Variants in PRKCB observed in about 807,000 individuals in gnomAD.
The protein encoded by PRKCB is protein kinase C beta, also known as protein kinase C beta type.
In PRKCB, 13 loss-of-function variants were observed where a neutral mutation model predicts 81.5. The ratio of observed to expected loss-of-function variants is 0.16; its 90% confidence interval spans 0.10 to 0.25. The LOEUF is 0.25. Among genes scored for constraint, PRKCB ranks in the 10% least tolerant of loss-of-function variants. The pLI is 1.00. For missense variants in PRKCB, 509 were observed against 875.7 expected (o/e 0.58, Z 5.29); for synonymous variants, 335 against 321.4 (o/e 1.04, Z -0.45).
At chr16:24,128,367 A>G (rs1030608890) in intron 9 of PRKCB, among the ~76,000 whole-genome samples, 5 of 150,184 alleles carry the variant, frequency 3.3e-5, no homozygotes, top group African/African-American at 5.1e-5. Context: ...AGAGCAAGAC[A>G]CTGTCTCAAA....
intron 2 of PRKCB, among the ~76,000 whole-genome samples, chr16:23,900,718 G>GTTTTTTTTTTTTTTTTTT (rs56897816): frequency 1.1e-4 from 7 of 62,234 alleles, no homozygotes; most frequent in African/African-American, 4.2e-4. Context: ...AGCTGCACAG[G>GTTTTTTTTTTTTTTTTTT]TTTTTTTTTT....
intron 5 of PRKCB, among the ~76,000 whole-genome samples, chr16:24,091,150 A>C (rs1324246671): frequency 6.6e-6 from 1 of 152,204 alleles, no homozygotes; most frequent in Admixed American, 6.5e-5. Flanking sequence ...ACTTTAATGG[A>C]ATTGCATTTA....
intron 2 of PRKCB, among the ~76,000 whole-genome samples, chr16:23,967,748 G>T (rs1964506284): frequency 6.6e-6 from 1 of 152,110 alleles, no homozygotes; most frequent in East Asian, 1.9e-4. Flanking sequence ...CACCTCCCAG[G>T]TTCAAGAGAT....
chr16:23,840,338 A>G (rs1254599543), intron 2 of PRKCB, among the ~76,000 whole-genome samples: 1 of 152,098 alleles, frequency 6.6e-6, no homozygotes, highest in Admixed American at 6.5e-5. Flanking sequence ...CTGCTCCACT[A>G]TCCCTGGGGA....
intron 2 of PRKCB, among the ~76,000 whole-genome samples, chr16:23,883,901 A>G (rs1426340742): frequency 6.6e-6 from 1 of 152,232 alleles, no homozygotes; most frequent in East Asian, 1.9e-4. Context: ...TAGCAATCAC[A>G]TTAAAATGGT....
At chr16:24,136,138 G>C (rs193289355) in intron 9 of PRKCB, among the ~76,000 whole-genome samples, 32 of 144,824 alleles carry the variant, frequency 2.2e-4, no homozygotes, top group African/African-American at 6.7e-4. Context: ...CCAGATCCTC[G>C]TGAGGCCCTT....
intron 9 of PRKCB, among the ~76,000 whole-genome samples, chr16:24,130,641 C>G (rs1966852000): frequency 6.6e-6 from 1 of 152,100 alleles, no homozygotes; most frequent in Non-Finnish European, 1.5e-5. Flanking sequence ...GACAGGCGCG[C>G]CTGGCCACAC....
At chr16:23,902,922 A>G (rs1284958527) in intron 2 of PRKCB, among the ~76,000 whole-genome samples, 1 of 150,056 alleles carries the variant, frequency 6.7e-6, no homozygotes, top group Non-Finnish European at 1.5e-5. Flanking sequence ...TCCCACCTCA[A>G]CTTCTTGAGT....
intron 2 of PRKCB, among the ~76,000 whole-genome samples, chr16:23,887,313 G>A (rs909334944): frequency 6.6e-6 from 1 of 152,174 alleles, no homozygotes; most frequent in Non-Finnish European, 1.5e-5. Context: ...AGTGAGCATA[G>A]TACCCAGTAG....
At chr16:24,193,208 C>T (rs1478296417) in intron 16 of PRKCB, among the ~76,000 whole-genome samples, 2 of 151,746 alleles carry the variant, frequency 1.3e-5, no homozygotes, top group East Asian at 1.9e-4. Flanking sequence ...TTTGGGAAGC[C>T]GAGGTGGGTG....
chr16:23,978,419 G>A (rs1395880387), intron 2 of PRKCB, among the ~76,000 whole-genome samples: 2 of 152,194 alleles, frequency 1.3e-5, no homozygotes, highest in Non-Finnish European at 2.9e-5. Context: ...TGTCCTGCAG[G>A]GATGCTGAGC....
intron 5 of PRKCB, among the ~76,000 whole-genome samples, chr16:24,082,465 A>G (rs1452298445): frequency 6.6e-6 from 1 of 152,222 alleles, no homozygotes; most frequent in Non-Finnish European, 1.5e-5. Context: ...AAGACTTACT[A>G]TATAAAGCTT....
intron 3 of PRKCB, among the ~76,000 whole-genome samples, chr16:24,009,486 G>A (rs1368756567): frequency 1.1e-4 from 17 of 149,760 alleles, no homozygotes; most frequent in African/African-American, 3.7e-4. Context: ...GTGCAATGGC[G>A]TGATCCTGGC....
At chr16:24,185,593 C>T (rs756378820) in intron 15 of PRKCB, 26 bp downstream of exon 15, 8 of 1,575,842 alleles carry the variant, frequency 5.1e-6, no homozygotes, top group Non-Finnish European at 7.0e-6. Context: ...AAAGCTGTGA[C>T]CAGGACCACC....
At position 24,116,798 on chromosome 16, in the gene PRKCB, C is replaced by T. The variant is rs190551023; in HGVS notation, c.918+3729C>T. On this transcript the variant is annotated intron_variant, in intron 8 of 16. Coordinates refer to ENST00000643927, the MANE Select transcript of PRKCB (RefSeq NM_002738.7). The stretch of plus-strand genomic sequence containing the variant: ...CTGCTGTTATAGAAATGTACTATTA[C>T]GGGTGAAAAACACAAGGCCAGTATT... 2.7e-3 allele frequency among the ~76,000 whole-genome samples: 413 copies of T among 152,280 alleles called. 2 individuals carry two copies. Among genetic ancestry groups the T allele is most frequent in the African/African-American group, 9.4e-3 (391 of 41,568 alleles).
Position 24,041,985 on chromosome 16 carries a change from G to GAA in PRKCB, c.529+6453_529+6454dup, listed in dbSNP as rs111410896. On this transcript the variant is annotated intron_variant, in intron 5 of 16. Coordinates refer to ENST00000643927, the MANE Select transcript of PRKCB (RefSeq NM_002738.7). ...GGTAACAGAGTGAGACTCCATCTTGGAAAAAAAAAAAAAAAAGAATTGGGA... is the reference window on the plus strand; with the variant it reads ...GGTAACAGAGTGAGACTCCATCTTGGAAAAAAAAAAAAAAAAAAGAATTGGGA... Among the ~76,000 whole-genome samples the GAA allele has an allele frequency of 6.8e-3, 706 of 104,412 alleles. 5 individuals are homozygous for GAA. Among genetic ancestry groups the GAA allele is most frequent in the South Asian group, 0.033 (97 of 2,958 alleles). The allele number at this position is 104,412 out of a possible 152,430, so 68.5% of individuals were successfully genotyped here.
At chr16:23,883,066 A>C (rs1387034965) in intron 2 of PRKCB, among the ~76,000 whole-genome samples, 1 of 152,156 alleles carries the variant, frequency 6.6e-6, no homozygotes, top group African/African-American at 2.4e-5. Flanking sequence ...GTCACTGAAC[A>C]AGGCTGGGGG....
At chr16:23,934,175 G>A (rs1022121670) in intron 2 of PRKCB, among the ~76,000 whole-genome samples, 9 of 152,088 alleles carry the variant, frequency 5.9e-5, no homozygotes, top group African/African-American at 2.2e-4. Context: ...CTTCAGTTAG[G>A]TCACGTGTAG....
At chr16:23,980,994 T>A (rs1055411152) in intron 2 of PRKCB, among the ~76,000 whole-genome samples, 5 of 151,996 alleles carry the variant, frequency 3.3e-5, no homozygotes, top group Admixed American at 3.3e-4. Context: ...TACAGTCTAC[T>A]CCTTCCATCT....
Sources: allele counts gnomAD v4.1 joint callset (sites outside exome capture counted in the v4.1 genomes callset), GRCh38; gene constraint gnomAD v4.1.1; transcripts MANE v1.5; gene names NCBI Gene and HGNC (gene_info 2026-07-23, HGNC 2026-07-21).